MYO18A: variants seen among roughly 807,000 people sequenced by gnomAD.
MYO18A encodes the protein myosin XVIIIA, also known as unconventional myosin-XVIIIa.
In MYO18A, 78 loss-of-function variants were observed where a neutral mutation model predicts 235.8. That is an observed-to-expected ratio of 0.33 (90% CI 0.28 to 0.40). MYO18A has a LOEUF of 0.40. Ranked by LOEUF, MYO18A falls within the 10% of genes least tolerant of loss-of-function variation. MYO18A has a pLI of 1.00. For synonymous variants in MYO18A, 977 were observed against 1,077.8 expected, an observed-to-expected ratio of 0.91 and a Z score of 1.83; for missense variants, 2,215 against 2,699.3, an observed-to-expected ratio of 0.82 and a Z score of 3.98.
Position 29,166,632 on chromosome 17 carries a change from G to A in MYO18A, c.309C>T (p.Ser103=), listed in dbSNP as rs769928670. ...TACCCTCCTCACCCTTGAGGTCATC[G>A]CTGGAGCTGGCTGTACTTAGGTGGC... ...DSGHLSTASS[S]DDLKGEEGSF... The change falls in exon 2 of 42, where the codon AGC becomes AGT. Residue 103 remains serine, a synonymous_variant. Coordinates refer to ENST00000527372, the MANE Select transcript of MYO18A (RefSeq NM_078471.4). 4 of 1,613,758 alleles carry A rather than the reference G, an allele frequency of 2.5e-6. No individual in the cohort carries two copies. The highest frequency in any genetic ancestry group is 2.2e-5 in the East Asian group (1 of 44,884).
rs770140636 is a variant in MYO18A, at chr17:29,074,060, GC to G, written c.*709del. The G allele has an allele frequency of 3.1e-5, 50 of 1,613,946 alleles. No homozygotes were observed. The African/African-American group carries it at 6.5e-4, about 21-fold the overall frequency. The stretch of plus-strand genomic sequence containing the variant: ...TCCACACACACACTTGTCTGCGTAG[GC>G]TTGCTCAACCCAGCCCAGCAGCACC... On this transcript the variant is annotated 3_prime_UTR_variant, in exon 42 of 42. Transcript: ENST00000527372. The surrounding 1 kb of genome is among the most constrained non-coding windows in gnomAD (Gnocchi z 4.4).
intron 2 of MYO18A, among the ~76,000 whole-genome samples, chr17:29,123,643 T>C (rs7224179): frequency 0.64 from 97,575 of 152,132 alleles, 32,896 homozygotes; most frequent in East Asian, 0.89. Flanking sequence ...CCGGGTTTCA[T>C]GGACCCATGA....
chr17:29,087,537 G>A (rs571404497), intron 37 of MYO18A, among the ~76,000 whole-genome samples: 2 of 152,242 alleles, frequency 1.3e-5, no homozygotes, highest in Admixed American at 6.5e-5. Flanking sequence ...TGTGCTCAGA[G>A]GTAAATGGCT....
chr17:29,128,598 A>G (rs2152886111), intron 2 of MYO18A: 1 of 1,168,138 alleles, frequency 8.6e-7, no homozygotes, highest in East Asian at 6.2e-5. Context: ...AGCCCTGCCC[A>G]TCCCATGCAG....
Position 29,090,582 on chromosome 17 carries a change from G to T in MYO18A, c.5338C>A (p.Gln1780Lys). ...SRDLAQINDL[Q>K]AQLEEANKEK... ...TTGTTGGCTTCTTCTAGCTGAGCTT[G>T]GAGATCATTTATCTGAGCCAGGTCC... Residue 1780 changes from glutamine to lysine, a missense_variant, in exon 36 of 42, where the codon CAA becomes AAA. By Grantham distance (53) the Gln-to-Lys change is moderately conservative (BLOSUM62 1). Coordinates refer to ENST00000527372, the MANE Select transcript of MYO18A (RefSeq NM_078471.4). The T allele has an allele frequency of 6.2e-7, 1 of 1,601,422 alleles. No homozygotes were observed. The highest frequency in any genetic ancestry group is 2.2e-5 in the East Asian group (1 of 44,612).
At chr17:29,087,793 G>A (rs1190993047) in intron 37 of MYO18A, among the ~76,000 whole-genome samples, 1 of 151,688 alleles carries the variant, frequency 6.6e-6, no homozygotes, top group East Asian at 1.9e-4. Flanking sequence ...GGCCGTTTGT[G>A]TTTAACATCC....
intron 14 of MYO18A, 102 bp from the exon 15 acceptor site, chr17:29,114,199 T>A (rs1335586158): frequency 1.2e-6 from 1 of 831,058 alleles, no homozygotes; most frequent in South Asian, 1.5e-5. Context: ...AAGGCCAACC[T>A]CCTTCTGTGC....
intron 41 of MYO18A, among the ~76,000 whole-genome samples, chr17:29,081,865 G>T (rs1266650566): frequency 6.6e-6 from 1 of 152,176 alleles, no homozygotes; most frequent in Non-Finnish European, 1.5e-5. Context: ...GGCAGAAAAA[G>T]ACAGAAATGT....
rs190211892 is a variant in MYO18A at position 29,133,843 on chromosome 17, G to A, written c.1000-11590C>T. On this transcript the variant is annotated intron_variant, in intron 2 of 41. Transcript: ENST00000527372. ...ACCTTGATGAAAAGGCCATGGCGCT[G>A]AAGGTAACCTGTGCCCTGGGTCAGA... is the stretch of plus-strand genomic sequence containing the variant. The A allele has an allele frequency of 2.0e-5, 26 of 1,289,222 alleles. No homozygotes were observed. In the Admixed American group the frequency reaches 4.6e-4, roughly 23 times the overall value. 79.9% of individuals were successfully genotyped at this position (1,289,222 alleles called of 1,614,324 possible).
chr17:29,074,965 AGCAC>A lies in MYO18A; in HGVS notation c.6021-55_6021-52del. 1 of 1,604,946 alleles carries A rather than the reference AGCAC, an allele frequency of 6.2e-7. No homozygotes were observed. ...GGGACAAATGACACTCCTACCATTA[AGCAC>A]GCACGCCTTTGGTTCTGGAGGCCCA... On this transcript the variant is annotated intron_variant, in intron 41 of 41. Coordinates refer to ENST00000527372, the MANE Select transcript of MYO18A (RefSeq NM_078471.4). This position sits in a 1 kb window ranked among gnomAD's most constrained non-coding sequence, Gnocchi z 4.4.
intron 2 of MYO18A, among the ~76,000 whole-genome samples, chr17:29,130,474 CCACACACA>C (rs71135871): frequency 0.019 from 2,651 of 142,182 alleles, 44 homozygotes; most frequent in African/African-American, 0.03. Flanking sequence ...GAGGCCTCTC[CCACACACA>C]CACACACACA....
Position 29,109,903 on chromosome 17 carries a change from G to T in MYO18A, c.3286C>A (p.Leu1096Ile). The change falls in exon 19 of 42, where the codon CTC (leucine) becomes ATC (isoleucine). Residue 1096 changes from leucine to isoleucine, a missense_variant. Leu to Ile is a conservative substitution (Grantham distance 5). Coordinates refer to ENST00000527372, the MANE Select transcript of MYO18A (RefSeq NM_078471.4). This position sits in a 1 kb window ranked among gnomAD's most constrained non-coding sequence, Gnocchi z 4.1. ...QLDVPLLRTQ[L>I]RGSRLLDAMR... is the part of the protein sequence containing the mutation. ...GCATCGAGCAGGCGGGAGCCGCGGAGCTGGGTGCGGAGCAGGGGCACGTCG... is the reference window on the plus strand; with the variant it reads ...GCATCGAGCAGGCGGGAGCCGCGGATCTGGGTGCGGAGCAGGGGCACGTCG... 1 of 1,581,398 alleles carries T rather than the reference G, an allele frequency of 6.3e-7. No homozygotes were observed. The highest frequency in any genetic ancestry group is 1.2e-5 in the South Asian group (1 of 86,794).
intron 1 of MYO18A, among the ~76,000 whole-genome samples, chr17:29,171,207 T>C (rs565070376): frequency 1.3e-5 from 2 of 152,302 alleles, no homozygotes; most frequent in South Asian, 2.1e-4. Flanking sequence ...ACCAGCACTT[T>C]GGGAGGCCAA....
intron 41 of MYO18A, chr17:29,078,061 C>G (rs1234836980): frequency 6.6e-6 from 1 of 152,224 alleles, no homozygotes; most frequent in Non-Finnish European, 1.5e-5. Flanking sequence ...GTAGCCCAGG[C>G]TGGAGTGCAG....
intron 2 of MYO18A, among the ~76,000 whole-genome samples, chr17:29,161,948 GC>G (rs922438776): frequency 6.6e-6 from 1 of 152,146 alleles, no homozygotes; most frequent in Admixed American, 6.5e-5. Context: ...AAATACAGAT[GC>G]CCCCCAAGAA....
At chr17:29,095,467 G>A (rs906015251) in intron 28 of MYO18A, among the ~76,000 whole-genome samples, 4 of 152,238 alleles carry the variant, frequency 2.6e-5, no homozygotes, top group East Asian at 1.9e-4. Flanking sequence ...AGTTTGGTTC[G>A]ACAACTGTAA....
intron 7 of MYO18A, 33 bp from the exon 8 acceptor site, chr17:29,119,468 G>A (rs1282354677): frequency 1.9e-6 from 3 of 1,539,688 alleles, no homozygotes; most frequent in South Asian, 2.4e-5. Context: ...GGGTAAGGAG[G>A]GTAGTGCCAG....
At chr17:29,161,068 A>C (rs2068161679) in intron 2 of MYO18A, among the ~76,000 whole-genome samples, 1 of 151,482 alleles carries the variant, frequency 6.6e-6, no homozygotes, top group Non-Finnish European at 1.5e-5. Flanking sequence ...AATATACAAA[A>C]ATTAGGCTGG....
At position 29,157,833 on chromosome 17, in the gene MYO18A, G is replaced by A. The variant is rs1598388350; in HGVS notation, c.999+8109C>T. Among the ~76,000 whole-genome samples, 3 of 152,028 alleles carry A rather than the reference G, an allele frequency of 2.0e-5. No homozygotes were observed. The South Asian group carries it at 6.2e-4, about 32-fold the overall frequency. On this transcript the variant is annotated intron_variant, in intron 2 of 41. Transcript: ENST00000527372. The stretch of plus-strand genomic sequence containing the variant: ...GTCTTGCTCTGTGTCCCAGGCTGGA[G>A]TTGAGTGACATAATCAATGGCATAA...
Sources: allele counts gnomAD v4.1 joint callset (sites outside exome capture counted in the v4.1 genomes callset), GRCh38; gene constraint gnomAD v4.1.1; non-coding constraint Gnocchi (gnomAD v3.1); transcripts MANE v1.5; gene names NCBI Gene and HGNC (gene_info 2026-07-23, HGNC 2026-07-21).